POTEJ: variants seen among roughly 807,000 people sequenced by gnomAD.
POTEJ encodes POTE ankyrin domain family member J.
In POTEJ, 11 loss-of-function variants were observed where a neutral mutation model predicts 69.0. That is an observed-to-expected ratio of 0.16 (90% CI 0.10 to 0.26). POTEJ has a LOEUF of 0.26. Ranked by LOEUF, POTEJ falls within the 10% of genes least tolerant of loss-of-function variation. The pLI is 1.00. For synonymous variants in POTEJ, 117 were observed against 381.1 expected (o/e 0.31, Z 8.07); for missense variants, 327 against 1,045.5 (o/e 0.31, Z 9.48).
At chr2:130,638,031 AAG>A (rs1686175271) in intron 9 of POTEJ, among the ~76,000 whole-genome samples, 2 of 148,434 alleles carry the variant, frequency 1.3e-5, no homozygotes, top group Admixed American at 6.7e-5. Context: ...TAGGACAGCT[AAG>A]AAGCAAAATT....
intron 1 of POTEJ, among the ~76,000 whole-genome samples, chr2:130,614,084 G>A (rs1187653647): frequency 7.7e-6 from 1 of 130,158 alleles, no homozygotes; most frequent in Non-Finnish European, 1.6e-5. Flanking sequence ...TTGAACCAGG[G>A]AGGTGGAGGT....
At chr2:130,632,983 A>G (rs1464055778) in intron 9 of POTEJ, among the ~76,000 whole-genome samples, 3 of 147,758 alleles carry the variant, frequency 2.0e-5, no homozygotes, top group African/African-American at 5.2e-5. Context: ...AGATTATTTC[A>G]TCAGCCACAT....
chr2:130,622,659 A>G (rs1381814188), intron 5 of POTEJ, among the ~76,000 whole-genome samples: 1 of 139,476 alleles, frequency 7.2e-6, no homozygotes, highest in African/African-American at 2.9e-5. Context: ...GATTTACATG[A>G]TAATGAAAAT....
At chr2:130,615,491 A>G (rs1235865884) in intron 1 of POTEJ, among the ~76,000 whole-genome samples, 2 of 136,118 alleles carry the variant, frequency 1.5e-5, no homozygotes, top group African/African-American at 6.3e-5. Context: ...ATCCTTAGCA[A>G]ACTAACATAG....
intron 9 of POTEJ, among the ~76,000 whole-genome samples, chr2:130,634,992 C>T (rs1339392256): frequency 8.6e-5 from 13 of 151,060 alleles, no homozygotes; most frequent in South Asian, 2.1e-4. Context: ...CAGTGGAGGG[C>T]GTCTCCTCCC....
At chr2:130,612,495 G>C (rs1271600390) in intron 1 of POTEJ, among the ~76,000 whole-genome samples, 2 of 152,278 alleles carry the variant, frequency 1.3e-5, no homozygotes, top group Non-Finnish European at 2.9e-5. Flanking sequence ...GGCTGGGCGC[G>C]GTGGCTCATG....
intron 6 of POTEJ, among the ~76,000 whole-genome samples, chr2:130,626,405 G>A (rs1488639510): frequency 2.6e-5 from 4 of 151,676 alleles, no homozygotes; most frequent in Non-Finnish European, 4.4e-5. Flanking sequence ...GAGTATTAAG[G>A]CATTCTGGTT....
chr2:130,618,561 A>C (rs565858061), intron 3 of POTEJ, among the ~76,000 whole-genome samples: 134 of 147,462 alleles, frequency 9.1e-4, no homozygotes, highest in Non-Finnish European at 1.3e-3. Context: ...CAACATAATG[A>C]GACCCTGTCT....
intron 9 of POTEJ, among the ~76,000 whole-genome samples, chr2:130,636,951 C>T (rs1176558978): frequency 6.8e-6 from 1 of 146,592 alleles, no homozygotes. Flanking sequence ...TGGTGGCATG[C>T]GCCTGTAGTC....
intron 6 of POTEJ, among the ~76,000 whole-genome samples, chr2:130,625,368 A>G (rs1573974841): frequency 6.6e-6 from 1 of 152,052 alleles, no homozygotes; most frequent in Non-Finnish European, 1.5e-5. Context: ...AAAAATACAG[A>G]CAGGAGCTTT....
At chr2:130,615,610 G>A (rs1685385080) in intron 1 of POTEJ, among the ~76,000 whole-genome samples, 1 of 141,176 alleles carries the variant, frequency 7.1e-6, no homozygotes, top group South Asian at 2.1e-4. Context: ...ATCAGAGGGT[G>A]GAGGGTGGGA....
chr2:130,624,760 C>T (rs1198193249), intron 6 of POTEJ, among the ~76,000 whole-genome samples: 3 of 152,028 alleles, frequency 2.0e-5, no homozygotes, highest in African/African-American at 7.3e-5. Flanking sequence ...AACACTGAAG[C>T]ACAAGTCATG....
intron 1 of POTEJ, among the ~76,000 whole-genome samples, chr2:130,613,320 ATACATATGTATATATACATATATATG>A (rs1286830050): frequency 0.012 from 1,524 of 122,648 alleles, 66 homozygotes; most frequent in East Asian, 0.11. Flanking sequence ...ATACATATAT[ATACATATGTATATATACATATATATG>A]TGTGTGTATA....
intron 9 of POTEJ, among the ~76,000 whole-genome samples, chr2:130,637,794 A>T (rs1490989014): frequency 6.6e-6 from 1 of 151,922 alleles, no homozygotes. Flanking sequence ...GAACATGTAT[A>T]TAAAGCATCA....
At chr2:130,637,881 G>A (rs1686169543) in intron 9 of POTEJ, among the ~76,000 whole-genome samples, 1 of 147,582 alleles carries the variant, frequency 6.8e-6, no homozygotes, top group African/African-American at 2.6e-5. Context: ...AACATCCATT[G>A]GTTTTTCTGC....
rs968983929 is a variant in POTEJ, at chr2:130,629,510, G to C, written c.1016-439G>C. 1.3e-4 allele frequency among the ~76,000 whole-genome samples: 18 copies of C among 140,320 alleles called. 1 individual carries two copies. Among genetic ancestry groups the C allele is most frequent in the South Asian group, 1.1e-3 (5 of 4,688 alleles). 92.1% of individuals were successfully genotyped at this position (140,320 alleles called of 152,430 possible). On this transcript the variant is annotated intron_variant, in intron 6 of 14. Transcript: ENST00000409602. ...TCTGGAGCCCATACCTGTGGGCTCTGGCTTTTCAGGCAGGGTCACCATGAC... is the reference window on the plus strand; with the variant it reads ...TCTGGAGCCCATACCTGTGGGCTCTCGCTTTTCAGGCAGGGTCACCATGAC...
intron 6 of POTEJ, among the ~76,000 whole-genome samples, chr2:130,626,563 G>A (rs1376882085): frequency 1.3e-5 from 2 of 152,022 alleles, no homozygotes; most frequent in East Asian, 1.9e-4. Flanking sequence ...AAGCAAACAG[G>A]CATGACTGAG....
rs749813601 is a variant in POTEJ at position 130,656,877 on chromosome 2, T to C, written c.2117T>C (p.Met706Thr). The C allele has an allele frequency of 6.2e-5, 99 of 1,595,610 alleles. 4 individuals are homozygous for C. In the Admixed American group the frequency reaches 1.7e-3, roughly 27 times the overall value. ...GTGGGGTGCCCCAGGCAGCAGGGCA[T>C]GATGGGGGGCATGCATCAGAAAGAG... Reference protein sequence around the residue: ...SIVGCPRQQGMMGGMHQKESY... With the variant: ...SIVGCPRQQGTMGGMHQKESY... Residue 706 changes from methionine to threonine, a missense_variant, in exon 15 of 15, where the codon ATG (methionine) becomes ACG (threonine). Coordinates refer to ENST00000409602, the MANE Select transcript of POTEJ (RefSeq NM_001277083.2).
rs762691983 is a variant in POTEJ at position 130,657,480 on chromosome 2, A to G, written c.2720A>G (p.Asp907Gly). The G allele has an allele frequency of 1.9e-6, 3 of 1,575,326 alleles. 1 individual carries two copies. Among genetic ancestry groups the G allele is most frequent in the Admixed American group, 1.7e-5 (1 of 59,080 alleles). ...SSLEKSYELP[D>G]GQVITISNEW... The stretch of plus-strand genomic sequence containing the variant: ...CTAGAGAAGAGCTACGAGCTGCCCG[A>G]TGGCCAGGTCATCACCATCAGCAAC... Residue 907 changes from aspartate to glycine, a missense_variant, in exon 15 of 15, where the codon GAT (aspartate) becomes GGT (glycine). Coordinates refer to ENST00000409602, the MANE Select transcript of POTEJ (RefSeq NM_001277083.2).
Sources: gnomAD v4.1 joint callset for allele counts (sites outside exome capture counted in the v4.1 genomes callset) on GRCh38, gnomAD v4.1.1 for gene constraint, MANE v1.5 for transcripts, NCBI Gene and HGNC (gene_info 2026-07-23, HGNC 2026-07-21) for gene names.